TIAM2: variants seen among roughly 807,000 people sequenced by gnomAD.
The protein encoded by TIAM2 is rho guanine nucleotide exchange factor TIAM2.
TIAM2 carries 80 observed loss-of-function variants against 152.9 expected under a neutral mutation model. That is an observed-to-expected ratio of 0.52 (90% CI 0.44 to 0.63). The LOEUF is 0.63. Ranked by LOEUF, TIAM2 falls within the 30% of genes least tolerant of loss-of-function variation. TIAM2 has a pLI of 0.00. For synonymous variants in TIAM2, 804 were observed against 838.0 expected (o/e 0.96, Z 0.70); for missense variants, 1,965 against 2,120.1 (o/e 0.93, Z 1.44).
chr6:155,096,676 G>T (rs1778425209), intron 2 of TIAM2, among the ~76,000 whole-genome samples: 1 of 152,114 alleles, frequency 6.6e-6, no homozygotes, highest in Admixed American at 6.5e-5. Flanking sequence ...TGCTGCAAAT[G>T]ACAGGATTTC....
intron 7 of TIAM2, among the ~76,000 whole-genome samples, chr6:155,149,728 G>A (rs1197646428): frequency 6.6e-6 from 1 of 152,042 alleles, no homozygotes; most frequent in East Asian, 1.9e-4. Flanking sequence ...TTTGAGACCA[G>A]CCTGGCCAAC....
chr6:155,182,357 T>G (rs1479248848), intron 13 of TIAM2, 39 bp downstream of exon 13: 2 of 1,527,780 alleles, frequency 1.3e-6, no homozygotes, highest in Non-Finnish European at 1.8e-6. Context: ...CCTCTTAATT[T>G]GAAACTGTGG....
chr6:155,011,124 G>GACCAAA (rs1391445419), intron 1 of TIAM2, among the ~76,000 whole-genome samples: 2 of 151,974 alleles, frequency 1.3e-5, no homozygotes, highest in East Asian at 1.9e-4. Flanking sequence ...AACATGGAAT[G>GACCAAA]ACCAAAACCA....
chr6:155,117,420 T>A (rs923331179), intron 2 of TIAM2, among the ~76,000 whole-genome samples: 7 of 152,124 alleles, frequency 4.6e-5, no homozygotes, highest in African/African-American at 1.7e-4. Context: ...TCTCATAAAC[T>A]TGATGCTGTT....
At chr6:155,149,066 G>A (rs115482021) in intron 7 of TIAM2, 1 of 167,248 alleles carries the variant, frequency 6.0e-6, no homozygotes, top group African/African-American at 2.4e-5. Context: ...CCAGCCTGGA[G>A]TGAGGGAGCA....
At chr6:155,163,741 G>T (rs1232302737) in intron 7 of TIAM2, among the ~76,000 whole-genome samples, 1 of 152,322 alleles carries the variant, frequency 6.6e-6, no homozygotes, top group East Asian at 1.9e-4. Flanking sequence ...AGTTAATCCA[G>T]TTTAGGATCA....
chr6:155,050,390 G>T (rs910160402), intron 1 of TIAM2, among the ~76,000 whole-genome samples: 3 of 152,168 alleles, frequency 2.0e-5, no homozygotes, highest in African/African-American at 4.8e-5. Flanking sequence ...TTGAGGGAAG[G>T]TCTTGTGAAG....
chr6:155,042,063 G>T (rs1777058402), intron 1 of TIAM2, among the ~76,000 whole-genome samples: 2 of 151,764 alleles, frequency 1.3e-5, no homozygotes, highest in Admixed American at 1.3e-4. Flanking sequence ...GTTCTTTATG[G>T]GAGAGGAAAG....
rs751478746 is a variant in TIAM2, at chr6:155,257,101, G to C, written c.5086G>C (p.Glu1696Gln). Residue 1696 changes from glutamate to glutamine, a missense_variant, in exon 27 of 27, where the codon GAG (glutamate) becomes CAG (glutamine). Physicochemically the swap from Glu to Gln is conservative, Grantham distance 29 (BLOSUM62 2). Around this residue, in one of 3 missense-constraint regions of TIAM2, gnomAD observed 935 missense variants for 980.0 expected, o/e 0.95. Transcript: ENST00000682666. ...VVSEECFYET[E>Q]SHGKS ...CAGTGAGGAGTGTTTTTATGAAACAGAGAGCCACGGAAAATCATAGTATGA... is the reference window on the plus strand; with the variant it reads ...CAGTGAGGAGTGTTTTTATGAAACACAGAGCCACGGAAAATCATAGTATGA... 2.5e-6 allele frequency: 4 copies of C among 1,605,518 alleles called. No homozygotes were observed.
chr6:155,256,141 AAGG>A, intron 26 of TIAM2: 1 of 446,900 alleles, frequency 2.2e-6, no homozygotes, highest in Non-Finnish European at 3.9e-6. Context: ...TAGTGAAAGA[AAGG>A]AGCCTAGATT....
chr6:155,066,443 G>A (rs1332413708), intron 1 of TIAM2, among the ~76,000 whole-genome samples: 1 of 152,222 alleles, frequency 6.6e-6, no homozygotes, highest in Non-Finnish European at 1.5e-5. Flanking sequence ...CCGTGTCACC[G>A]CTGGGAAGAG....
intron 15 of TIAM2, among the ~76,000 whole-genome samples, chr6:155,238,449 CA>C (rs1782878992): frequency 6.6e-6 from 1 of 152,182 alleles, no homozygotes; most frequent in Non-Finnish European, 1.5e-5. Context: ...GTTATGTTTT[CA>C]GCAGTGCCCC....
intron 1 of TIAM2, among the ~76,000 whole-genome samples, chr6:155,082,666 C>CAATAAATAAATAAATAAATAAATAAATA (rs200019932): frequency 7.6e-4 from 108 of 141,374 alleles, no homozygotes; most frequent in East Asian, 1.5e-3. Flanking sequence ...AAAAAAACCC[C>CAATAAATAAATAAATAAATAAATAAATA]AATAAATAAA....
chr6:155,241,859 C>T (rs978832399), intron 16 of TIAM2, among the ~76,000 whole-genome samples: 3 of 152,116 alleles, frequency 2.0e-5, no homozygotes, highest in Non-Finnish European at 4.4e-5. Flanking sequence ...CGCTGTGTGG[C>T]GCTGTAGATA....
chr6:155,138,410 A>G (rs1289575246), intron 5 of TIAM2, among the ~76,000 whole-genome samples: 1 of 150,206 alleles, frequency 6.7e-6, no homozygotes, highest in East Asian at 1.9e-4. Flanking sequence ...GTTTGTTGTC[A>G]TCACTAACAA....
intron 5 of TIAM2, among the ~76,000 whole-genome samples, chr6:155,138,552 A>G (rs934609593): frequency 1.3e-5 from 2 of 152,090 alleles, no homozygotes; most frequent in African/African-American, 4.8e-5. Context: ...CGTCATTTAC[A>G]TTAGGTATAT....
chr6:155,243,440 C>A (rs1461686740), intron 16 of TIAM2, among the ~76,000 whole-genome samples: 1 of 151,234 alleles, frequency 6.6e-6, no homozygotes, highest in East Asian at 1.9e-4. Flanking sequence ...AAGACACTTA[C>A]CTAAGCAGAG....
intron 14 of TIAM2, among the ~76,000 whole-genome samples, chr6:155,209,165 A>C (rs899551598): frequency 1.5e-4 from 22 of 151,292 alleles, no homozygotes; most frequent in Non-Finnish European, 3.2e-4. Flanking sequence ...CCTTGGTTGC[A>C]CTCATCTCTC....
intron 1 of TIAM2, among the ~76,000 whole-genome samples, chr6:154,998,980 G>C (rs1018867914): frequency 2.0e-4 from 30 of 152,098 alleles, no homozygotes; most frequent in African/African-American, 6.3e-4. Flanking sequence ...GGGTAAAGTA[G>C]GCATGTGATA....
Sources: gnomAD v4.1 joint callset for allele counts (sites outside exome capture counted in the v4.1 genomes callset) on GRCh38, gnomAD v4.1.1 for gene constraint, gnomAD v4.1.1 regional missense constraint, MANE v1.5 for transcripts, NCBI Gene and HGNC (gene_info 2026-07-23, HGNC 2026-07-21) for gene names.